The following ZNF34 variants were observed in gnomAD, a reference collection of about 807,000 sequenced individuals.
ZNF34 encodes zinc finger protein 34, also known as zinc finger protein 34 (KOX 32).
ZNF34 carries 8 observed loss-of-function variants against 14.4 expected under a neutral mutation model. The ratio of observed to expected loss-of-function variants is 0.55; its 90% CI spans 0.33 to 1.00. The LOEUF (loss-of-function observed/expected upper bound fraction) is 1.00. ZNF34 is among the 50% of genes least tolerant of loss of function. The probability of loss-of-function intolerance (pLI) is 0.03; values close to 1 mark genes in which losing one functional copy is unlikely to be tolerated. For synonymous variants in ZNF34, 235 were observed against 247.9 expected (o/e 0.95, Z 0.49); for missense variants, 538 against 674.2 (o/e 0.80, Z 2.24).
chr8:144,782,365 C>T (rs1163881849), intron 1 of ZNF34, among the ~76,000 whole-genome samples: 2 of 151,868 alleles, frequency 1.3e-5, no homozygotes, highest in African/African-American at 4.8e-5. Flanking sequence ...TGGCGTGAAC[C>T]TGTAATCCCA....
chr8:144,774,621 G>A lies in ZNF34; in HGVS notation c.281-16C>T, dbSNP rs1474282389. 6.2e-7 allele frequency: 1 copy of A among 1,600,828 alleles called. No individual in the cohort carries two copies. The highest frequency in any genetic ancestry group is 1.3e-5 in the African/African-American group (1 of 74,652). On this transcript the variant is annotated splice_polypyrimidine_tract_variant and intron_variant, in intron 5 of 5. Coordinates refer to ENST00000429371, the MANE Select transcript of ZNF34 (RefSeq NM_001286769.2). ...GTCCCAAGAGCTGAAACAAAAAACA[G>A]AACATCTAAGGGTCACCTGCTCTGA... is the stretch of plus-strand genomic sequence containing the variant.
intron 2 of ZNF34, among the ~76,000 whole-genome samples, chr8:144,778,962 T>C (rs1053140075): frequency 6.6e-6 from 1 of 152,060 alleles, no homozygotes; most frequent in Non-Finnish European, 1.5e-5. Context: ...ACGTCCTGGG[T>C]CCAGGGTCCA....
At chr8:144,783,123 T>C (rs1052627039) in intron 1 of ZNF34, among the ~76,000 whole-genome samples, 4 of 149,208 alleles carry the variant, frequency 2.7e-5, no homozygotes, top group African/African-American at 7.4e-5. Flanking sequence ...CTACAAAAAA[T>C]AAAAAAAATT....
Position 144,777,243 on chromosome 8 carries a change from A to C in ZNF34, c.280+215T>G, listed in dbSNP as rs991429309. Among the ~76,000 whole-genome samples the C allele has an allele frequency of 1.3e-5, 2 of 152,060 alleles. No homozygotes were observed. The highest frequency in any genetic ancestry group is 4.8e-5 in the African/African-American group (2 of 41,384). On this transcript the variant is annotated intron_variant, in intron 5 of 5. Coordinates refer to ENST00000429371, the MANE Select transcript of ZNF34 (RefSeq NM_001286769.2). This position sits in a 1 kb window ranked among gnomAD's most constrained non-coding sequence, Gnocchi z 4.8. ...AATGTCCATTCCTATTTTCCACAGAAATGCTGCCCTGGAGAGATTCTGCTC... is the reference window on the plus strand; with the variant it reads ...AATGTCCATTCCTATTTTCCACAGACATGCTGCCCTGGAGAGATTCTGCTC...
At chr8:144,782,505 A>G (rs1375948967) in intron 1 of ZNF34, among the ~76,000 whole-genome samples, 1 of 151,848 alleles carries the variant, frequency 6.6e-6, no homozygotes, top group African/African-American at 2.4e-5. Flanking sequence ...ACAAAAAACA[A>G]AAAACAAAAG....
At position 144,777,477 on chromosome 8, in the gene ZNF34, G is replaced by C. The variant is rs1282462875; in HGVS notation, c.261C>G (p.His87Gln). 2 of 1,551,858 alleles carry C rather than the reference G, an allele frequency of 1.3e-6. No homozygotes were observed. Among genetic ancestry groups the C allele is most frequent in the African/African-American group, 2.7e-5 (2 of 73,024 alleles). The part of the protein sequence containing the change: ...LDVQGTSGKE[H>Q]LRVNSPALGT... ...ACGCACCTGGGCTGTTGACTCTCAG[G>C]TGCTCTTTCCCAGAGGTGCCCTGAA... is the stretch of plus-strand genomic sequence containing the variant. Residue 87 changes from histidine (H) to glutamine (Q), a missense_variant, in exon 5 of 6, where the codon CAC becomes CAG. Transcript: ENST00000429371. The surrounding 1 kb of genome is among the most constrained non-coding windows in gnomAD (Gnocchi z 4.8).
rs1337021218 is a variant in ZNF34, at chr8:144,774,503, C to A, written c.383G>T (p.Ser128Ile). Reference protein sequence around the residue: ...SEPVEACDHISKSEGSLEKLV... With the variant: ...SEPVEACDHIIKSEGSLEKLV... Reference sequence around the variant, plus strand: ...CTTTTCCAGGCTCCCCTCTGACTTACTGATGTGGTCACAGGCTTCTACTGG... The same window carrying A: ...CTTTTCCAGGCTCCCCTCTGACTTAATGATGTGGTCACAGGCTTCTACTGG... The change falls in exon 6 of 6, where the codon AGT (serine) becomes ATT (isoleucine). Residue 128 changes from serine (S) to isoleucine (I), a missense_variant. This residue lies in a region of ZNF34 where 431 missense variants were observed against 525.7 expected (regional missense o/e 0.82). Transcript: ENST00000429371. The A allele has an allele frequency of 6.2e-7, 1 of 1,614,028 alleles. No homozygotes were observed. Among genetic ancestry groups the A allele is most frequent in the Non-Finnish European group, 8.5e-7 (1 of 1,179,908 alleles).
intron 1 of ZNF34, among the ~76,000 whole-genome samples, chr8:144,782,930 GA>G (rs1825989341): frequency 6.8e-6 from 1 of 146,028 alleles, no homozygotes; most frequent in African/African-American, 2.6e-5. Context: ...AACAAAAAAG[GA>G]AAGAGTGTAT....
At position 144,772,714 on chromosome 8, in the gene ZNF34, AT is replaced by A. The variant is rs1384397085; in HGVS notation, c.*551del. On this transcript the variant is annotated 3_prime_UTR_variant, in exon 6 of 6. Coordinates refer to ENST00000429371, the MANE Select transcript of ZNF34 (RefSeq NM_001286769.2). ...ACCACCACACCTGGCTAATTTTTGT[AT>A]TTTTAGTAGAGACGGGGTTTCACCA... Among the ~76,000 whole-genome samples the A allele has an allele frequency of 6.6e-6, 1 of 152,040 alleles. No homozygotes were observed. The highest frequency in any genetic ancestry group is 1.9e-4 in the East Asian group (1 of 5,184).
chr8:144,776,658 C>T (rs1262200168), intron 5 of ZNF34, among the ~76,000 whole-genome samples: 1 of 151,604 alleles, frequency 6.6e-6, no homozygotes, highest in Non-Finnish European at 1.5e-5. Context: ...CACTTTAACT[C>T]CAGAACTTTG....
chr8:144,783,935 CG>C (rs1395227937), intron 1 of ZNF34, among the ~76,000 whole-genome samples: 2 of 151,704 alleles, frequency 1.3e-5, no homozygotes, highest in African/African-American at 2.4e-5. Flanking sequence ...GAGGCCAAGG[CG>C]GGAGGATCAC....
In ZNF34 at chr8:144,772,278, G is replaced by A. The variant is rs952612853; in HGVS notation, c.*988C>T. Among the ~76,000 whole-genome samples the A allele has an allele frequency of 3.6e-4, 55 of 152,140 alleles. No homozygotes were observed. Among genetic ancestry groups the A allele is most frequent in the Non-Finnish European group, 5.9e-5 (4 of 68,032 alleles). Reference sequence around the variant, plus strand: ...TAGAATAGGCAAATTCAAAGAGACAGAAAATAGAATTGAGGTTACCAGCAG... The same window carrying A: ...TAGAATAGGCAAATTCAAAGAGACAAAAAATAGAATTGAGGTTACCAGCAG... On this transcript the variant is annotated 3_prime_UTR_variant, in exon 6 of 6. Transcript: ENST00000429371.
At chr8:144,786,431 C>T (rs1013227180) in intron 1 of ZNF34, among the ~76,000 whole-genome samples, 3 of 151,646 alleles carry the variant, frequency 2.0e-5, no homozygotes, top group Non-Finnish European at 4.4e-5. Context: ...GTCAGGAGTT[C>T]GAGACCAGCC....
chr8:144,778,221 C>A, intron 3 of ZNF34, 57 bp from the exon 4 acceptor site: 1 of 1,567,802 alleles, frequency 6.4e-7, no homozygotes, highest in South Asian at 1.2e-5. Flanking sequence ...CTGGTAGGGG[C>A]GGGGAGGCAG....
Position 144,773,610 on chromosome 8 carries a change from A to G in ZNF34, c.1276T>C (p.Tyr426His). 5 of 1,614,106 alleles carry G rather than the reference A, an allele frequency of 3.1e-6. No individual in the cohort carries two copies. Among genetic ancestry groups the G allele is most frequent in the Non-Finnish European group, 4.2e-6 (5 of 1,180,006 alleles). The change falls in exon 6 of 6, where the codon TAT becomes CAT. Residue 426 changes from tyrosine (Y) to histidine (H), a missense_variant. Physicochemically the swap from Tyr to His is moderately conservative, Grantham distance 83. This residue lies in a region of ZNF34 where 431 missense variants were observed against 525.7 expected (regional missense o/e 0.82). Coordinates refer to ENST00000429371, the MANE Select transcript of ZNF34 (RefSeq NM_001286769.2). The surrounding 1 kb of genome is among the most constrained non-coding windows in gnomAD (Gnocchi z 5.4). ...ACTTTGCCACAGTCATTGCATTCATAGGGCTTCTCTCCAGTGTGGCTTCTC... is the reference window on the plus strand; with the variant it reads ...ACTTTGCCACAGTCATTGCATTCATGGGGCTTCTCTCCAGTGTGGCTTCTC... ...HQRSHTGEKP[Y>H]ECNDCGKVFS...
chr8:144,784,022 T>C (rs540772938), intron 1 of ZNF34, among the ~76,000 whole-genome samples: 5 of 152,028 alleles, frequency 3.3e-5, no homozygotes, highest in African/African-American at 7.2e-5. Flanking sequence ...AGCCCGGCCA[T>C]GGTGGCAGGC....
intron 1 of ZNF34, among the ~76,000 whole-genome samples, chr8:144,783,934 G>A (rs1295785994): frequency 2.6e-5 from 4 of 152,198 alleles, no homozygotes; most frequent in Non-Finnish European, 5.9e-5. Context: ...GGAGGCCAAG[G>A]CGGGAGGATC....
rs977137196 is a variant in ZNF34, at chr8:144,779,341, C to T, written c.-54-816G>A. On this transcript the variant is annotated intron_variant, in intron 2 of 5. Transcript: ENST00000429371. This position sits in a 1 kb window ranked among gnomAD's most constrained non-coding sequence, Gnocchi z 4.1. ...ACCGTCACAGCTACGCTTGATGCAC[C>T]GCTACCTTTCTATCCCCATGTCCTC... 4.6e-5 allele frequency among the ~76,000 whole-genome samples: 7 copies of T among 152,124 alleles called. No individual in the cohort carries two copies. In the East Asian group the frequency reaches 5.8e-4, roughly 13 times the overall value.
rs1259194506 is a variant in ZNF34 at position 144,773,155 on chromosome 8, T to C, written c.*111A>G. The C allele has an allele frequency of 7.5e-6, 9 of 1,204,168 alleles. No homozygotes were observed. Among genetic ancestry groups the C allele is most frequent in the Non-Finnish European group, 1.1e-6 (1 of 893,730 alleles). 74.6% of individuals were successfully genotyped at this position (1,204,168 alleles called of 1,614,324 possible). On this transcript the variant is annotated 3_prime_UTR_variant, in exon 6 of 6. Coordinates refer to ENST00000429371, the MANE Select transcript of ZNF34 (RefSeq NM_001286769.2). The surrounding 1 kb of genome is among the most constrained non-coding windows in gnomAD (Gnocchi z 5.4). ...GAGGTTTGTTTAATGAGAAACGTCC[T>C]TTCACTCTGTGAAAACATCGTGTGG...
Sources: gnomAD v4.1 joint callset for allele counts (sites outside exome capture counted in the v4.1 genomes callset) on GRCh38, gnomAD v4.1.1 for gene constraint, gnomAD v4.1.1 regional missense constraint, Gnocchi (gnomAD v3.1) non-coding constraint, MANE v1.5 for transcripts, NCBI Gene and HGNC (gene_info 2026-07-23, HGNC 2026-07-21) for gene names.